STKLD1: variants seen among roughly 807,000 people sequenced by gnomAD.
The protein encoded by STKLD1 is serine/threonine kinase-like domain-containing protein STKLD1.
In STKLD1, 79 loss-of-function variants were observed where a neutral mutation model predicts 80.4. That is an observed-to-expected ratio of 0.98 (90% CI 0.82 to 1.19). The LOEUF (loss-of-function observed/expected upper bound fraction) is 1.19. STKLD1 is among the 50% of genes most tolerant of loss of function. The pLI is 0.00. For missense variants in STKLD1, 841 were observed against 856.0 expected (o/e 0.98, Z 0.22); for synonymous variants, 393 against 357.6 (o/e 1.10, Z -1.12).
chr9:133,401,348 G>A (rs1274167575), intron 12 of STKLD1, among the ~76,000 whole-genome samples: 1 of 152,090 alleles, frequency 6.6e-6, no homozygotes, highest in Non-Finnish European at 1.5e-5. Flanking sequence ...ATGTTAGTCA[G>A]GCTGGTCTTG....
intron 5 of STKLD1, chr9:133,387,876 G>A: frequency 2.0e-6 from 1 of 493,564 alleles, no homozygotes; most frequent in Non-Finnish European, 4.0e-6. Context: ...TGCCACTCCT[G>A]TCTGGTCTCC....
At chr9:133,404,186 G>T in intron 16 of STKLD1, 138 bp downstream of exon 16, 1 of 1,120,864 alleles carries the variant, frequency 8.9e-7, no homozygotes, top group Non-Finnish European at 1.2e-6. Context: ...AAAACGATCT[G>T]AAGTCCAGTC....
chr9:133,405,473 C>A lies in STKLD1; in HGVS notation c.*52C>A, dbSNP rs368546080. ...TCCACGTGTATAGTTTTCAAGACTGCTCTCCTGCCTGCCTATTATCCCATC... is the reference window on the plus strand; with the variant it reads ...TCCACGTGTATAGTTTTCAAGACTGATCTCCTGCCTGCCTATTATCCCATC... On this transcript the variant is annotated 3_prime_UTR_variant, in exon 18 of 18. Transcript: ENST00000371957. 1.3e-6 allele frequency: 2 copies of A among 1,515,418 alleles called. No individual in the cohort carries two copies. The highest frequency in any genetic ancestry group is 2.8e-5 in the African/African-American group (2 of 72,216). 93.9% of individuals were successfully genotyped at this position (1,515,418 alleles called of 1,614,324 possible). A position where few individuals can be genotyped will look rare whatever the true frequency, so the allele number is the denominator to read the frequency against.
intron 9 of STKLD1, 62 bp downstream of exon 9, chr9:133,395,825 T>G (rs1554776663): frequency 1.3e-6 from 2 of 1,543,440 alleles, no homozygotes; most frequent in African/African-American, 2.7e-5. Context: ...CTCTCCACCC[T>G]AATACAAGCA....
intron 2 of STKLD1, among the ~76,000 whole-genome samples, chr9:133,381,325 CG>C (rs1408276397): frequency 6.6e-6 from 1 of 150,858 alleles, no homozygotes; most frequent in Non-Finnish European, 1.5e-5. Flanking sequence ...TTTTAGTAGA[CG>C]GGGTTTCTCC....
chr9:133,387,080 G>T (rs2130278723), intron 4 of STKLD1, among the ~76,000 whole-genome samples: 14 of 152,302 alleles, frequency 9.2e-5, no homozygotes, highest in Admixed American at 9.2e-4. Context: ...GCCAGGGCAG[G>T]GTCCTCAGAG....
chr9:133,386,268 A>C (rs1167685316), intron 4 of STKLD1, among the ~76,000 whole-genome samples: 1 of 152,218 alleles, frequency 6.6e-6, no homozygotes, highest in Non-Finnish European at 1.5e-5. Flanking sequence ...AGGCTAACAG[A>C]AACAAGTTGC....
Position 133,385,643 on chromosome 9 carries a change from C to G in STKLD1, c.246C>G (p.His82Gln), listed in dbSNP as rs2130275046. 3 of 1,613,340 alleles carry G rather than the reference C, an allele frequency of 1.9e-6. No homozygotes were observed. Among genetic ancestry groups the G allele is most frequent in the Non-Finnish European group, 2.5e-6 (3 of 1,179,984 alleles). The change falls in exon 4 of 18, where the codon CAC (histidine) becomes CAG (glutamine). Residue 82 changes from histidine (H) to glutamine (Q), a missense_variant. His to Gln is a conservative substitution (Grantham distance 24). Transcript: ENST00000371957. This position sits in a 1 kb window ranked among gnomAD's most constrained non-coding sequence, Gnocchi z 4.9. ...EELMPLLKLR[H>Q]AHISVYQELF... is the part of the protein sequence containing the mutation. ...TGATGCCACTGCTGAAGCTGCGGCA[C>G]GCCCACATCTCTGTGTACCAGGAGC...
chr9:133,377,031 A>G (rs782805499), intron 1 of STKLD1, among the ~76,000 whole-genome samples: 1 of 152,226 alleles, frequency 6.6e-6, no homozygotes, highest in Non-Finnish European at 1.5e-5. Flanking sequence ...TATACATGAT[A>G]TATACACTTT....
intron 14 of STKLD1, among the ~76,000 whole-genome samples, 175 bp downstream of exon 14, chr9:133,403,187 G>A (rs1554778030): frequency 6.6e-6 from 1 of 152,252 alleles, no homozygotes; most frequent in Non-Finnish European, 1.5e-5. Context: ...AAATCAAGGA[G>A]CAGAGAGAGA....
chr9:133,387,233 A>G (rs1838283477), intron 4 of STKLD1, among the ~76,000 whole-genome samples: 1 of 152,108 alleles, frequency 6.6e-6, no homozygotes, highest in Non-Finnish European at 1.5e-5. Flanking sequence ...CTTGGTGTGG[A>G]TGGAGTGTGG....
intron 14 of STKLD1, 139 bp downstream of exon 14, chr9:133,403,151 T>C (rs1285553565): frequency 5.5e-6 from 5 of 906,418 alleles, no homozygotes; most frequent in Non-Finnish European, 7.9e-6. Context: ...AAGGCTCTTC[T>C]GAGAGCTTCC....
intron 1 of STKLD1, among the ~76,000 whole-genome samples, chr9:133,377,346 T>G (rs1330578349): frequency 2.0e-5 from 3 of 152,216 alleles, no homozygotes; most frequent in Non-Finnish European, 4.4e-5. Context: ...ACACCAGCTC[T>G]GCCCTCAGCC....
At chr9:133,391,185 G>C (rs1050124726) in intron 7 of STKLD1, among the ~76,000 whole-genome samples, 1 of 151,068 alleles carries the variant, frequency 6.6e-6, no homozygotes, top group African/African-American at 2.4e-5. Flanking sequence ...CGGGAGGGAG[G>C]TGGGGGGCTC....
chr9:133,392,752 A>T (rs1204459759), intron 7 of STKLD1, among the ~76,000 whole-genome samples: 3 of 20,806 alleles, frequency 1.4e-4, no homozygotes, highest in African/African-American at 2.5e-4. Context: ...GATGGATAGG[A>T]GGGTGGGTGA....
intron 12 of STKLD1, 150 bp from the exon 13 acceptor site, chr9:133,401,588 A>G: frequency 2.0e-6 from 2 of 998,332 alleles, no homozygotes; most frequent in South Asian, 1.9e-5. Flanking sequence ...ACAGGGATTC[A>G]TGGAGGCCTG....
At chr9:133,378,046 A>T (rs1838041434) in intron 1 of STKLD1, among the ~76,000 whole-genome samples, 1 of 152,132 alleles carries the variant, frequency 6.6e-6, no homozygotes, top group South Asian at 2.1e-4. Context: ...AGCTGACAGG[A>T]GGTGGAGCTT....
intron 7 of STKLD1, among the ~76,000 whole-genome samples, chr9:133,391,849 A>T (rs1339172257): frequency 6.6e-6 from 1 of 151,830 alleles, no homozygotes; most frequent in Non-Finnish European, 1.5e-5. Context: ...ATTAAAAAAA[A>T]AAAAAAGAAA....
chr9:133,391,792 A>G (rs1253205165), intron 7 of STKLD1, among the ~76,000 whole-genome samples: 1 of 151,262 alleles, frequency 6.6e-6, no homozygotes, highest in African/African-American at 2.4e-5. Context: ...CTATTGTCCT[A>G]TGACCCTGCC....
Sources: allele counts gnomAD v4.1 joint callset (sites outside exome capture counted in the v4.1 genomes callset), GRCh38; gene constraint gnomAD v4.1.1; non-coding constraint Gnocchi (gnomAD v3.1); transcripts MANE v1.5; gene names NCBI Gene and HGNC (gene_info 2026-07-23, HGNC 2026-07-21).